The following CFAP126 variants were observed in gnomAD, a reference collection of about 807,000 sequenced individuals.
CFAP126 encodes cilia and flagella associated protein 126, also known as protein Flattop.
A neutral mutation model predicts 17.1 loss-of-function variants in CFAP126; 21 were observed. The ratio of observed to expected loss-of-function variants is 1.23; its 90% confidence interval spans 0.87 to 1.77. CFAP126 has a LOEUF of 1.77. Ranked by LOEUF, CFAP126 falls within the 40% of genes most tolerant of loss-of-function variation. The pLI, the probability that CFAP126 is intolerant of heterozygous loss-of-function variation, is 0.00. For missense variants in CFAP126, 174 were observed against 215.4 expected (o/e 0.81, Z 1.20); for synonymous variants, 65 against 73.5 (o/e 0.88, Z 0.59).
At chr1:161,366,797 T>A (rs768762774) in intron 1 of CFAP126, 1 of 362,254 alleles carries the variant, frequency 2.8e-6, no homozygotes, top group African/African-American at 2.1e-5. Flanking sequence ...TTTTTTGAGA[T>A]AGGATCTTGG....
At chr1:161,366,138 C>T (rs1672721202) in intron 3 of CFAP126, 60 bp downstream of exon 3, 6 of 1,293,696 alleles carry the variant, frequency 4.6e-6, no homozygotes, top group Admixed American at 1.7e-5. Flanking sequence ...GACTGCACAT[C>T]TCCCAGTTCT....
chr1:161,365,740 C>T (rs745818308), intron 3 of CFAP126, 38 bp from the exon 4 acceptor site: 2 of 1,503,000 alleles, frequency 1.3e-6, no homozygotes, highest in East Asian at 4.5e-5. Context: ...GGGCTTCTCA[C>T]TCCCAGTAAC....
At position 161,366,237 on chromosome 1, in the gene CFAP126, G is replaced by A. The variant is rs756472218; in HGVS notation, c.132C>T (p.Asn44=). 9 of 1,613,936 alleles carry A rather than the reference G, an allele frequency of 5.6e-6. No individual in the cohort carries two copies. Among genetic ancestry groups the A allele is most frequent in the Non-Finnish European group, 6.8e-6 (8 of 1,179,814 alleles). ...CAGAAGGCAGTAGATGACCACGATC[G>A]TTGGCAATAATTTGAGTGTAGCCTT... The part of the protein sequence containing the change: ...SHEGYTQIIA[N]DRGHLLPSVP... Residue 44 remains asparagine, a synonymous_variant, in exon 3 of 5, where the codon AAC becomes AAT. Coordinates refer to ENST00000367974, the MANE Select transcript of CFAP126 (RefSeq NM_001013625.4).
rs148395391 is a variant in CFAP126 at position 161,365,648 on chromosome 1, G to T, written c.226C>A (p.Pro76Thr). 9.4e-5 allele frequency: 152 copies of T among 1,613,378 alleles called. No individual in the cohort carries two copies. Among genetic ancestry groups the T allele is most frequent in the Non-Finnish European group, 1.2e-4 (141 of 1,179,716 alleles). The change falls in exon 4 of 5, where the codon CCT becomes ACT. Residue 76 changes from proline to threonine, a missense_variant. Transcript: ENST00000367974. ...CGGGAGGTCAGGGTCACCCGAGCAG[G>T]GGGTATCTTCAGAGGCATTTGCCAG... ...GTWQMPLKIP[P>T]ARVTLTSRTT...
intron 3 of CFAP126, 101 bp from the exon 4 acceptor site, chr1:161,365,803 A>G: frequency 1.8e-6 from 2 of 1,107,876 alleles, no homozygotes; most frequent in Non-Finnish European, 2.6e-6. Context: ...ATGCATGGTT[A>G]TGAAACAAGA....
At position 161,365,551 on chromosome 1, in the gene CFAP126, C is replaced by G; in HGVS notation, c.323G>C (p.Gly108Ala). 6.2e-7 allele frequency: 1 copy of G among 1,614,116 alleles called. No homozygotes were observed. Among genetic ancestry groups the G allele is most frequent in the Middle Eastern group, 1.6e-4 (1 of 6,062 alleles). Residue 108 changes from glycine (G) to alanine (A), a missense_variant, in exon 4 of 5, where the codon GGG (glycine) becomes GCG (alanine). By Grantham distance (60) the Gly-to-Ala change is moderately conservative. Transcript: ENST00000367974. Reference protein sequence around the residue: ...KNPDLLKASNGLCPEILGKPH... With the variant: ...KNPDLLKASNALCPEILGKPH... ...CTTGCCTAAGATTTCAGGACACAGC[C>G]CATTGGAGGCCTTGAGTAAATCAGG... is the stretch of plus-strand genomic sequence containing the variant.
rs1469952249 is a variant in CFAP126, at chr1:161,365,157, G to T, written c.349-7C>A. On this transcript the variant is annotated splice_polypyrimidine_tract_variant and splice_region_variant and intron_variant, in intron 4 of 4. Transcript: ENST00000367974. Reference sequence around the variant, plus strand: ...GACTGTCTGGATCATGGGGCTGTCAGTGATAAGAGTGGGAGAGATAGTCAT... The same window carrying T: ...GACTGTCTGGATCATGGGGCTGTCATTGATAAGAGTGGGAGAGATAGTCAT... 2 of 1,613,434 alleles carry T rather than the reference G, an allele frequency of 1.2e-6. No homozygotes were observed. The highest frequency in any genetic ancestry group is 2.7e-5 in the African/African-American group (2 of 74,920).
Position 161,364,858 on chromosome 1 carries a change from G to T in CFAP126, c.*107C>A. The T allele has an allele frequency of 1.9e-6, 2 of 1,077,682 alleles. No homozygotes were observed. The highest frequency in any genetic ancestry group is 2.7e-6 in the Non-Finnish European group (2 of 736,492). 66.8% of individuals were successfully genotyped at this position (1,077,682 alleles called of 1,614,324 possible). A position where few individuals can be genotyped will look rare whatever the true frequency, so the allele number is the denominator to read the frequency against. On this transcript the variant is annotated 3_prime_UTR_variant, in exon 5 of 5. Coordinates refer to ENST00000367974, the MANE Select transcript of CFAP126 (RefSeq NM_001013625.4). Reference sequence around the variant, plus strand: ...ACTGAGTCGCTATACGGGTTTTTCAGTGTGTGGCCACTTGGTCCATATGAA... The same window carrying T: ...ACTGAGTCGCTATACGGGTTTTTCATTGTGTGGCCACTTGGTCCATATGAA...
intron 4 of CFAP126, 162 bp from the exon 5 acceptor site, chr1:161,365,312 C>A (rs1672689689): frequency 1.1e-6 from 1 of 911,574 alleles, no homozygotes; most frequent in African/African-American, 1.7e-5. Flanking sequence ...CACCCTCCCC[C>A]ACCTTGAGAT....
chr1:161,366,316 G>T, intron 2 of CFAP126, 38 bp from the exon 3 acceptor site: 1 of 1,584,938 alleles, frequency 6.3e-7, no homozygotes, highest in Non-Finnish European at 8.7e-7. Flanking sequence ...TTTGTGAGGG[G>T]AAAAAGGGAA....
In CFAP126 at chr1:161,365,639, C is replaced by T; in HGVS notation, c.235G>A (p.Val79Met). 6.2e-7 allele frequency: 1 copy of T among 1,613,916 alleles called. No individual in the cohort carries two copies. Among genetic ancestry groups the T allele is most frequent in the South Asian group, 1.1e-5 (1 of 91,044 alleles). Reference protein sequence around the residue: ...QMPLKIPPARVTLTSRTTAGA... With the variant: ...QMPLKIPPARMTLTSRTTAGA... ...GCAGTTGTACGGGAGGTCAGGGTCA[C>T]CCGAGCAGGGGGTATCTTCAGAGGC... Residue 79 changes from valine to methionine, a missense_variant, in exon 4 of 5, where the codon GTG (valine) becomes ATG (methionine). Transcript: ENST00000367974.
rs1241612583 is a variant in CFAP126, at chr1:161,366,268, GAA to G, written c.99_100del (p.His35Ter). 1 of 1,613,584 alleles carries G rather than the reference GAA, an allele frequency of 6.2e-7. No homozygotes were observed. The highest frequency in any genetic ancestry group is 8.5e-7 in the Non-Finnish European group (1 of 1,179,604). On this transcript the variant is annotated frameshift_variant, in exon 3 of 5. Transcript: ENST00000367974. LOFTEE classifies it high-confidence loss of function. ...AATAATTTGAGTGTAGCCTTCATGA[GAA>G]GAGATGCTCTGGGGTACAAGTGGGA...
At chr1:161,365,889 C>G (rs570363083) in intron 3 of CFAP126, 187 bp from the exon 4 acceptor site, 1 of 649,992 alleles carries the variant, frequency 1.5e-6, no homozygotes, top group Non-Finnish European at 2.6e-6. Context: ...TTTTCATCCC[C>G]TTTACTCTGC....
intron 3 of CFAP126, 62 bp downstream of exon 3, chr1:161,366,136 A>G: frequency 4.6e-6 from 6 of 1,302,122 alleles, no homozygotes; most frequent in South Asian, 1.2e-5. Flanking sequence ...GAGACTGCAC[A>G]TCTCCCAGTT....
intron 3 of CFAP126, 68 bp downstream of exon 3, chr1:161,366,130 C>T (rs895344860): frequency 9.7e-6 from 12 of 1,232,468 alleles, no homozygotes; most frequent in Non-Finnish European, 1.4e-5. Flanking sequence ...CTGTGAGAGA[C>T]TGCACATCTC....
intron 1 of CFAP126, chr1:161,366,740 G>A: frequency 3.8e-6 from 2 of 522,826 alleles, no homozygotes; most frequent in South Asian, 5.8e-5. Flanking sequence ...GAGGTGCTTT[G>A]TAAATATGAA....
At chr1:161,366,326 A>C (rs761564995) in intron 2 of CFAP126, 48 bp from the exon 3 acceptor site, 2 of 1,577,530 alleles carry the variant, frequency 1.3e-6, no homozygotes, top group South Asian at 2.2e-5. Flanking sequence ...GAAAAAGGGA[A>C]GTATTTGGGG....
intron 4 of CFAP126, 29 bp from the exon 5 acceptor site, chr1:161,365,179 T>A: frequency 6.2e-7 from 1 of 1,600,236 alleles, no homozygotes; most frequent in East Asian, 2.2e-5. Flanking sequence ...GGAGAGATAG[T>A]CATGTCTCTG....
chr1:161,366,573 A>G lies in CFAP126; in HGVS notation c.28-72T>C, dbSNP rs756932558. The G allele has an allele frequency of 8.5e-5, 118 of 1,382,252 alleles. 1 individual carries two copies. Among genetic ancestry groups the G allele is most frequent in the East Asian group, 2.3e-4 (10 of 43,800 alleles). The allele number at this position is 1,382,252 out of a possible 1,614,324, so 85.6% of individuals were successfully genotyped here. A position where few individuals can be genotyped will look rare whatever the true frequency, so the allele number is the denominator to read the frequency against. Reference sequence around the variant, plus strand: ...ACCCAGGAAATGAAGACTAGGCACAATTCTTTAGATTTGAAGACCAAAGGC... The same window carrying G: ...ACCCAGGAAATGAAGACTAGGCACAGTTCTTTAGATTTGAAGACCAAAGGC... On this transcript the variant is annotated intron_variant, in intron 1 of 4. Transcript: ENST00000367974.
Sources: allele counts gnomAD v4.1 joint callset, GRCh38; gene constraint gnomAD v4.1.1; transcripts MANE v1.5; gene names NCBI Gene and HGNC (gene_info 2026-07-23, HGNC 2026-07-21).